The following YBX2 variants were observed in gnomAD, a reference collection of about 807,000 sequenced individuals.
YBX2 encodes Y-box-binding protein 2.
YBX2 carries 5 observed loss-of-function variants against 44.4 expected under a neutral mutation model. The observed-to-expected ratio is 0.11, with a 90% CI of 0.06 to 0.24. YBX2 has a LOEUF of 0.24. Ranked by LOEUF, YBX2 falls within the 10% of genes least tolerant of loss-of-function variation. The probability of loss-of-function intolerance (pLI) is 1.00; values close to 1 mark genes in which losing one functional copy is unlikely to be tolerated. For missense variants in YBX2, 417 were observed against 526.9 expected, an observed-to-expected ratio of 0.79 and a Z score of 2.04; for synonymous variants, 188 against 216.1, an observed-to-expected ratio of 0.87 and a Z score of 1.14.
At chr17:7,293,881 C>T (rs904995438) in intron 1 of YBX2, 1 of 522,390 alleles carries the variant, frequency 1.9e-6, no homozygotes, top group African/African-American at 1.9e-5. Context: ...TCTAGCCCTC[C>T]CAATGCAAGG....
chr17:7,292,910 G>A (rs1312465084), intron 2 of YBX2: 2 of 164,642 alleles, frequency 1.2e-5, no homozygotes, highest in East Asian at 1.7e-4. Context: ...CCCACTGGGG[G>A]AGACCTGGCT....
intron 7 of YBX2, 150 bp downstream of exon 7, chr17:7,289,380 G>T (rs2072480394): frequency 1.7e-6 from 2 of 1,212,014 alleles, no homozygotes; most frequent in African/African-American, 1.5e-5. Flanking sequence ...CTGCCAGGGG[G>T]GGACCCAGCA....
Position 7,294,125 on chromosome 17 carries a change from G to A in YBX2, c.271+105C>T. 1 of 1,191,248 alleles carries A rather than the reference G, an allele frequency of 8.4e-7. No homozygotes were observed. Among genetic ancestry groups the A allele is most frequent in the African/African-American group, 1.6e-5 (1 of 63,100 alleles). 73.8% of individuals were successfully genotyped at this position (1,191,248 alleles called of 1,614,324 possible). On this transcript the variant is annotated intron_variant, in intron 1 of 8. Transcript: ENST00000007699. This position sits in a 1 kb window ranked among gnomAD's most constrained non-coding sequence, Gnocchi z 4.6. ...CCAGCCCAGTTAGCGCTCTGGGCCT[G>A]CGGGCCAGGCCGCCTTTGGTTTTCC...
At position 7,291,185 on chromosome 17, in the gene YBX2, G is replaced by T. The variant is rs760772354; in HGVS notation, c.370-3C>A. On this transcript the variant is annotated splice_polypyrimidine_tract_variant and splice_region_variant and intron_variant, in intron 3 of 8. Coordinates refer to ENST00000007699, the MANE Select transcript of YBX2 (RefSeq NM_015982.4). This position sits in a 1 kb window ranked among gnomAD's most constrained non-coding sequence, Gnocchi z 5.8. ...GGGTTGTTTCTTTTAATAGCTGTCT[G>T]ATTGGGGAAAAGGCCATGTGAAAAG... 6.2e-7 allele frequency: 1 copy of T among 1,614,098 alleles called. No individual in the cohort carries two copies. Among genetic ancestry groups the T allele is most frequent in the African/African-American group, 1.3e-5 (1 of 75,034 alleles).
At position 7,289,524 on chromosome 17, in the gene YBX2, C is replaced by T. The variant is rs1321877376; in HGVS notation, c.1044+6G>A. Reference sequence around the variant, plus strand: ...TTTTCTTTCATCCCACATCTGAGGTCCTCACCTCAGGGGCTGCGGGCTGCC... The same window carrying T: ...TTTTCTTTCATCCCACATCTGAGGTTCTCACCTCAGGGGCTGCGGGCTGCC... On this transcript the variant is annotated splice_donor_region_variant and intron_variant, in intron 7 of 8. Coordinates refer to ENST00000007699, the MANE Select transcript of YBX2 (RefSeq NM_015982.4). 6.3e-7 allele frequency: 1 copy of T among 1,595,642 alleles called. No individual in the cohort carries two copies. Among genetic ancestry groups the T allele is most frequent in the East Asian group, 2.3e-5 (1 of 44,310 alleles).
Position 7,290,244 on chromosome 17 carries a change from C to G in YBX2, c.744+7G>C. 1 of 1,608,800 alleles carries G rather than the reference C, an allele frequency of 6.2e-7. No individual in the cohort carries two copies. Among genetic ancestry groups the G allele is most frequent in the Non-Finnish European group, 8.5e-7 (1 of 1,176,256 alleles). ...GAACTGGCTCCCATATTCCAGCATC[C>G]CCTCACCTCTATAGGCTGCTGCTGG... is the stretch of plus-strand genomic sequence containing the variant. On this transcript the variant is annotated splice_region_variant and intron_variant, in intron 5 of 8. Coordinates refer to ENST00000007699, the MANE Select transcript of YBX2 (RefSeq NM_015982.4).
chr17:7,291,321 T>C lies in YBX2; in HGVS notation c.370-139A>G. 2 of 836,442 alleles carry C rather than the reference T, an allele frequency of 2.4e-6. No individual in the cohort carries two copies. Among genetic ancestry groups the C allele is most frequent in the Non-Finnish European group, 4.0e-6 (2 of 504,150 alleles). 51.8% of individuals were successfully genotyped at this position (836,442 alleles called of 1,614,324 possible). ...GCTGGAGGGTGGAGCAAGGAGGTGG[T>C]CAAAGTTTAGCAGGGGAAAAGTCCT... On this transcript the variant is annotated intron_variant, in intron 3 of 8. Transcript: ENST00000007699. This position sits in a 1 kb window ranked among gnomAD's most constrained non-coding sequence, Gnocchi z 5.8.
intron 2 of YBX2, 177 bp from the exon 3 acceptor site, chr17:7,292,236 G>C (rs1474072628): frequency 5.5e-6 from 4 of 721,690 alleles, no homozygotes; most frequent in Non-Finnish European, 9.7e-6. Flanking sequence ...CCAGAAGCTG[G>C]TGTAAAGAGA....
rs776711155 is a variant in YBX2, at chr17:7,293,489, G to A, written c.321C>T (p.Tyr107=). ...TCCTTGGATACCTGTTGATGAATCC[G>A]TAACCATTCCGGACGTTGAACCATT... ...TVKWFNVRNG[Y]GFINRNDTKE... The change falls in exon 2 of 9, where the codon TAC becomes TAT. Residue 107 remains tyrosine, a synonymous_variant. Coordinates refer to ENST00000007699, the MANE Select transcript of YBX2 (RefSeq NM_015982.4). The A allele has an allele frequency of 1.3e-5, 21 of 1,613,956 alleles. No individual in the cohort carries two copies. The highest frequency in any genetic ancestry group is 5.0e-5 in the Admixed American group (3 of 59,996).
Position 7,294,267 on chromosome 17 carries a change from G to A in YBX2, c.234C>T (p.Ala78=). The change falls in exon 1 of 9, where the codon GCC becomes GCT. Residue 78 remains alanine (A), a synonymous_variant. Transcript: ENST00000007699. The surrounding 1 kb of genome is among the most constrained non-coding windows in gnomAD (Gnocchi z 4.6). ...TGTCCGCCTGACTCCGGGCCGGGGGGGCGGGGGTTCCCGAGACCGCCGTCG... is the reference window on the plus strand; with the variant it reads ...TGTCCGCCTGACTCCGGGCCGGGGGAGCGGGGGTTCCCGAGACCGCCGTCG... ...NPATAVSGTP[A]PPARSQADKP... 4 of 1,275,142 alleles carry A rather than the reference G, an allele frequency of 3.1e-6. No homozygotes were observed. Among genetic ancestry groups the A allele is most frequent in the Non-Finnish European group, 3.9e-6 (4 of 1,017,270 alleles). 79.0% of individuals were successfully genotyped at this position (1,275,142 alleles called of 1,614,324 possible).
At chr17:7,288,868 T>TG in intron 7 of YBX2, 30 bp from the exon 8 acceptor site, 1 of 1,613,052 alleles carries the variant, frequency 6.2e-7, no homozygotes, top group Non-Finnish European at 8.5e-7. Flanking sequence ...AATTGAGACT[T>TG]GTTCTTTTTG....
At chr17:7,288,700 C>G in intron 8 of YBX2, 49 bp downstream of exon 8, 1 of 1,495,106 alleles carries the variant, frequency 6.7e-7, no homozygotes, top group Middle Eastern at 1.7e-4. Context: ...TCATCGCCAC[C>G]CAGTACCTCA....
intron 7 of YBX2, 118 bp from the exon 8 acceptor site, chr17:7,288,956 A>G: frequency 7.9e-7 from 1 of 1,258,470 alleles, no homozygotes; most frequent in Non-Finnish European, 1.1e-6. Flanking sequence ...TCCCCCTCCC[A>G]GTTCAAGTGA....
In YBX2 at chr17:7,291,758, C is replaced by A; in HGVS notation, c.369+268G>T. On this transcript the variant is annotated intron_variant, in intron 3 of 8. Transcript: ENST00000007699. This position sits in a 1 kb window ranked among gnomAD's most constrained non-coding sequence, Gnocchi z 5.8. ...CACTGCACCCAAGGACCTTCTCCCT[C>A]TGAAAACTGCCTCAGTGCTTCCTGG... The A allele has an allele frequency of 1.9e-6, 1 of 516,706 alleles. No individual in the cohort carries two copies. The highest frequency in any genetic ancestry group is 2.2e-5 in the South Asian group (1 of 46,378). 32.0% of individuals were successfully genotyped at this position (516,706 alleles called of 1,614,324 possible).
rs201607916 is a variant in YBX2, at chr17:7,288,835, A to C, written c.1048T>G (p.Ser350Ala). 6.2e-7 allele frequency: 1 copy of C among 1,613,802 alleles called. No individual in the cohort carries two copies. Among genetic ancestry groups the C allele is most frequent in the Admixed American group, 1.7e-5 (1 of 59,992 alleles). Residue 350 changes from serine (S) to alanine (A), a missense_variant, in exon 8 of 9, where the codon TCA becomes GCA. This residue lies in a region of YBX2 where 257 missense variants were observed against 261.7 expected (regional missense o/e 0.98). Transcript: ENST00000007699. ...GGGTCCCCACTGTTGACAGGGGCTG[A>C]GGTCTAAAGAACAGCGGTGGCCAAT... ...GPRQPAAPETSAPVNSGDPTT... is the reference protein window; with the variant it reads ...GPRQPAAPETAAPVNSGDPTT...
rs945742618 is a variant in YBX2, at chr17:7,288,379, A to C, written c.*304T>G. The C allele has an allele frequency of 2.3e-5, 4 of 177,196 alleles. No homozygotes were observed. Among genetic ancestry groups the C allele is most frequent in the African/African-American group, 9.5e-5 (4 of 41,964 alleles). The allele number at this position is 177,196 out of a possible 1,614,324, so 11.0% of individuals were successfully genotyped here. A position where few individuals can be genotyped will look rare whatever the true frequency, so the allele number is the denominator to read the frequency against. ...ACTTGGGGTGGGGGCAAGAAAAGCA[A>C]CCAGGAGGAGGTAAGAGCTGGCTGG... On this transcript the variant is annotated 3_prime_UTR_variant, in exon 9 of 9. Coordinates refer to ENST00000007699, the MANE Select transcript of YBX2 (RefSeq NM_015982.4).
rs1478464351 is a variant in YBX2, at chr17:7,291,735, C to T, written c.369+291G>A. ...TGCAGGGGCCACGCTTTGAGAACCA[C>T]TGCACCCAAGGACCTTCTCCCTCTG... On this transcript the variant is annotated intron_variant, in intron 3 of 8. Coordinates refer to ENST00000007699, the MANE Select transcript of YBX2 (RefSeq NM_015982.4). This position sits in a 1 kb window ranked among gnomAD's most constrained non-coding sequence, Gnocchi z 5.8. 5 of 482,994 alleles carry T rather than the reference C, an allele frequency of 1.0e-5. No individual in the cohort carries two copies. The East Asian group carries it at 1.9e-4, about 18-fold the overall frequency. The allele number at this position is 482,994 out of a possible 1,614,324, so 29.9% of individuals were successfully genotyped here. A position where few individuals can be genotyped will look rare whatever the true frequency, so the allele number is the denominator to read the frequency against.
At chr17:7,290,949 AAGAGGACATCAGGGTG>A in intron 4 of YBX2, 128 bp downstream of exon 4, 1 of 847,668 alleles carries the variant, frequency 1.2e-6, no homozygotes, top group Non-Finnish European at 2.0e-6. Context: ...AGCATTAAGG[AAGAGGACATCAGGGTG>A]AGAGAACACA....
At chr17:7,290,188 T>A in intron 5 of YBX2, 63 bp downstream of exon 5, 5 of 1,610,376 alleles carry the variant, frequency 3.1e-6, no homozygotes, top group Non-Finnish European at 4.2e-6. Context: ...ATGGTCTCTA[T>A]CCTAACTCCC....
Sources: allele counts gnomAD v4.1 joint callset, GRCh38; gene constraint gnomAD v4.1.1; regional missense constraint gnomAD v4.1.1; non-coding constraint Gnocchi (gnomAD v3.1); transcripts MANE v1.5; gene names NCBI Gene and HGNC (gene_info 2026-07-23, HGNC 2026-07-21).